Variants in DOCK2 observed in about 807,000 individuals in gnomAD.
DOCK2 encodes dedicator of cytokinesis 2, also known as dedicator of cytokinesis protein 2.
DOCK2 carries 87 observed loss-of-function variants against 248.9 expected under a neutral mutation model. That is an observed-to-expected ratio of 0.35 (90% CI 0.29 to 0.42). The LOEUF is 0.42. DOCK2 is among the 10% of genes least tolerant of loss of function. DOCK2 has a pLI of 1.00. For missense variants in DOCK2, 1,747 were observed against 2,300.2 expected (o/e 0.76, Z 4.92); for synonymous variants, 805 against 821.6 (o/e 0.98, Z 0.35).
At chr5:169,795,482 G>A (rs908622768) in intron 25 of DOCK2, among the ~76,000 whole-genome samples, 1 of 152,190 alleles carries the variant, frequency 6.6e-6, no homozygotes, top group Admixed American at 6.5e-5. Context: ...CTGGGGGTGA[G>A]GCAAGTGACT....
At chr5:169,669,410 A>G (rs1368149189) in intron 3 of DOCK2, 82 bp downstream of exon 3, 1 of 1,482,774 alleles carries the variant, frequency 6.7e-7, no homozygotes, top group Non-Finnish European at 9.4e-7. Flanking sequence ...GGTCTCTCCC[A>G]CCATTGCTCC....
intron 29 of DOCK2, among the ~76,000 whole-genome samples, chr5:169,993,945 G>A (rs1778272445): frequency 6.6e-6 from 1 of 151,998 alleles, no homozygotes; most frequent in South Asian, 2.1e-4. Flanking sequence ...GTTCTGTAAA[G>A]TCCAGGTGTA....
chr5:169,737,661 A>G (rs1266017862), intron 22 of DOCK2, among the ~76,000 whole-genome samples: 1 of 152,152 alleles, frequency 6.6e-6, no homozygotes, highest in African/African-American at 2.4e-5. Flanking sequence ...ACCAATGGCC[A>G]ATGCTACATA....
intron 41 of DOCK2, among the ~76,000 whole-genome samples, chr5:170,051,021 A>G (rs988006822): frequency 2.0e-5 from 3 of 152,258 alleles, no homozygotes; most frequent in African/African-American, 4.8e-5. Flanking sequence ...TTACAAAAAT[A>G]TAATCTGTGC....
In DOCK2 at chr5:170,060,413, G is replaced by T. The variant is rs558807975; in HGVS notation, c.4467+2747G>T. 5.3e-5 allele frequency among the ~76,000 whole-genome samples: 8 copies of T among 152,280 alleles called. No homozygotes were observed. The South Asian group carries it at 1.7e-3, about 32-fold the overall frequency. On this transcript the variant is annotated intron_variant, in intron 44 of 51. Transcript: ENST00000520908. ...CCTTCATAGCCTAGTAAGGGCTGTGGCAAAGTGCAGTAGCAACAGCCCCCT... is the reference window on the plus strand; with the variant it reads ...CCTTCATAGCCTAGTAAGGGCTGTGTCAAAGTGCAGTAGCAACAGCCCCCT...
chr5:169,714,534 C>T lies in DOCK2; in HGVS notation c.1941+77C>T, dbSNP rs1368830810. ...CATGTGGGTGGCTTCAGGGGAAAAA[C>T]AAGGTATTGAAGGACATGGGGAAAC... On this transcript the variant is annotated intron_variant, in intron 19 of 51. Coordinates refer to ENST00000520908, the MANE Select transcript of DOCK2 (RefSeq NM_004946.3). The T allele has an allele frequency of 7.9e-6, 12 of 1,515,634 alleles. No individual in the cohort carries two copies. The South Asian group carries it at 1.4e-4, about 18-fold the overall frequency. The allele number at this position is 1,515,634 out of a possible 1,614,324, so 93.9% of individuals were successfully genotyped here.
At chr5:169,955,454 G>A (rs1348930039) in intron 27 of DOCK2, among the ~76,000 whole-genome samples, 2 of 152,208 alleles carry the variant, frequency 1.3e-5, no homozygotes, top group Non-Finnish European at 2.9e-5. Context: ...AGTACGTGCT[G>A]TCACTCTGAG....
At chr5:170,019,155 C>G in intron 33 of DOCK2, 47 bp downstream of exon 33, 2 of 1,611,834 alleles carry the variant, frequency 1.2e-6, no homozygotes, top group Non-Finnish European at 1.7e-6. Context: ...TAATCCCCAG[C>G]CCATTTCCCC....
chr5:169,857,854 A>G (rs942850819), intron 27 of DOCK2, among the ~76,000 whole-genome samples: 1 of 152,188 alleles, frequency 6.6e-6, no homozygotes, highest in Non-Finnish European at 1.5e-5. Context: ...AAATAACTTG[A>G]ATGCAGATAT....
chr5:169,670,747 C>G, intron 4 of DOCK2, 150 bp downstream of exon 4: 1 of 917,716 alleles, frequency 1.1e-6, no homozygotes, highest in Non-Finnish European at 1.7e-6. Flanking sequence ...CTTTCCGTTA[C>G]TCAATGGGAG....
chr5:170,062,568 A>G (rs926384039), intron 44 of DOCK2, among the ~76,000 whole-genome samples: 3 of 152,142 alleles, frequency 2.0e-5, no homozygotes, highest in Non-Finnish European at 4.4e-5. Flanking sequence ...TGGACCTCAC[A>G]TATACTACCC....
intron 47 of DOCK2, 28 bp downstream of exon 47, chr5:170,076,112 G>A: frequency 6.2e-7 from 1 of 1,611,566 alleles, no homozygotes; most frequent in Non-Finnish European, 8.5e-7. Flanking sequence ...GGCTTGGAGG[G>A]GTGGGATTGT....
At chr5:170,040,669 C>A in intron 36 of DOCK2, 1 of 210,694 alleles carries the variant, frequency 4.7e-6, no homozygotes, top group Non-Finnish European at 1.0e-5. Context: ...TCTCTCTCTC[C>A]TTCCTTTATT....
chr5:169,639,297 G>A (rs1300452786), intron 1 of DOCK2, among the ~76,000 whole-genome samples: 1 of 152,182 alleles, frequency 6.6e-6, no homozygotes, highest in Non-Finnish European at 1.5e-5. Context: ...CTCTGCCTGA[G>A]GCTCTTGTCA....
intron 22 of DOCK2, among the ~76,000 whole-genome samples, chr5:169,733,160 T>A (rs1410045347): frequency 6.6e-6 from 1 of 152,148 alleles, no homozygotes; most frequent in Non-Finnish European, 1.5e-5. Flanking sequence ...TTTCTTTTTT[T>A]GGGATTGTTT....
At chr5:170,014,123 G>C (rs1755416592) in intron 32 of DOCK2, among the ~76,000 whole-genome samples, 2 of 152,150 alleles carry the variant, frequency 1.3e-5, no homozygotes, top group African/African-American at 2.4e-5. Flanking sequence ...TTACAAGGGA[G>C]CAACCAGCCC....
intron 2 of DOCK2, among the ~76,000 whole-genome samples, chr5:169,669,000 T>C (rs1398777594): frequency 6.6e-6 from 1 of 152,042 alleles, no homozygotes; most frequent in Non-Finnish European, 1.5e-5. Flanking sequence ...CTGCTGCTTT[T>C]CTCCTCCCAG....
chr5:169,955,327 G>A (rs1776819510), intron 27 of DOCK2, among the ~76,000 whole-genome samples: 1 of 152,108 alleles, frequency 6.6e-6, no homozygotes, highest in Non-Finnish European at 1.5e-5. Context: ...GGAAGGTTCT[G>A]GGCCCAAACA....
intron 27 of DOCK2, among the ~76,000 whole-genome samples, chr5:169,869,632 C>T (rs1415657813): frequency 6.6e-6 from 1 of 152,180 alleles, no homozygotes; most frequent in Non-Finnish European, 1.5e-5. Flanking sequence ...AGAGAAGATG[C>T]ATTTCTACTT....
Sources: allele counts gnomAD v4.1 joint callset (sites outside exome capture counted in the v4.1 genomes callset), GRCh38; gene constraint gnomAD v4.1.1; transcripts MANE v1.5; gene names NCBI Gene and HGNC (gene_info 2026-07-23, HGNC 2026-07-21).